SMURF2: variants seen among roughly 807,000 people sequenced by gnomAD.
The protein encoded by SMURF2 is E3 ubiquitin-protein ligase SMURF2.
SMURF2 carries 48 observed loss-of-function variants against 109.6 expected under a neutral mutation model. That is an observed-to-expected ratio of 0.44 (90% CI 0.35 to 0.56). The LOEUF (loss-of-function observed/expected upper bound fraction) is 0.56, where lower values mean the gene tolerates loss of function less well. Ranked by LOEUF, SMURF2 falls within the 20% of genes least tolerant of loss-of-function variation. The pLI, the probability that SMURF2 is intolerant of heterozygous loss-of-function variation, is 0.01. For missense variants in SMURF2, 575 were observed against 909.0 expected (o/e 0.63, Z 4.72); for synonymous variants, 288 against 317.1 (o/e 0.91, Z 0.97).
Position 64,566,564 on chromosome 17 carries a change from T to TGG in SMURF2, c.1017-3599_1017-3598insCC, listed in dbSNP as rs1248925408. On this transcript the variant is annotated intron_variant, in intron 10 of 18. Coordinates refer to ENST00000262435, the MANE Select transcript of SMURF2 (RefSeq NM_022739.4). ...GTAGAAATGCTTAAGCTTTCTGGTTTTTTTTTTTTTTTTTTTTTTTTTTTT... is the reference window on the plus strand; with the variant it reads ...GTAGAAATGCTTAAGCTTTCTGGTTTGGTTTTTTTTTTTTTTTTTTTTTTTTT... Among the ~76,000 whole-genome samples, 160 of 49,446 alleles carry TGG rather than the reference T, an allele frequency of 3.2e-3. 1 individual carries two copies. Among genetic ancestry groups the TGG allele is most frequent in the African/African-American group, 5.8e-3 (89 of 15,446 alleles). The allele number at this position is 49,446 out of a possible 152,430, so 32.4% of individuals were successfully genotyped here.
intron 3 of SMURF2, among the ~76,000 whole-genome samples, chr17:64,596,585 C>CAAAAAAAAAAAAAAA (rs201858792): frequency 2.2e-5 from 1 of 45,472 alleles, no homozygotes; most frequent in African/African-American, 6.3e-5. Flanking sequence ...GGAGAGTAAA[C>CAAAAAAAAAAAAAAA]AAAAAAAAAA....
chr17:64,553,249 G>A (rs1050961727), intron 15 of SMURF2, among the ~76,000 whole-genome samples: 30 of 152,032 alleles, frequency 2.0e-4, no homozygotes, highest in African/African-American at 6.3e-4. Flanking sequence ...GCTTACACCT[G>A]TAATCCCAGC....
chr17:64,558,603 G>A (rs1555684241), intron 12 of SMURF2, among the ~76,000 whole-genome samples: 3 of 152,046 alleles, frequency 2.0e-5, no homozygotes, highest in Non-Finnish European at 2.9e-5. Context: ...AATATAAGTG[G>A]GCAAGGATTG....
At chr17:64,580,316 T>C (rs765607963) in intron 8 of SMURF2, among the ~76,000 whole-genome samples, 8 of 152,250 alleles carry the variant, frequency 5.3e-5, no homozygotes, top group Non-Finnish European at 8.8e-5. Context: ...CTCAGTCATT[T>C]ACAACAATCC....
At chr17:64,616,324 C>A (rs1555690090) in intron 1 of SMURF2, among the ~76,000 whole-genome samples, 1 of 152,058 alleles carries the variant, frequency 6.6e-6, no homozygotes, top group African/African-American at 2.4e-5. Context: ...AACTGAGATT[C>A]AGGCATAGAG....
chr17:64,545,732 AAGGGG>A lies in SMURF2; in HGVS notation c.*111_*115del, dbSNP rs1968941154. 1.5e-5 allele frequency: 2 copies of A among 135,362 alleles called. No homozygotes were observed. The highest frequency in any genetic ancestry group is 3.6e-4 in the South Asian group (2 of 5,584). The allele number at this position is 135,362 out of a possible 1,614,324, so 8.4% of individuals were successfully genotyped here. ...CCTAAAATGTAAAAAAAAAAAAAAA[AAGGGG>A]GGGGGGGGGAGTGTTTTCCTGTATT... On this transcript the variant is annotated 3_prime_UTR_variant, in exon 19 of 19. Coordinates refer to ENST00000262435, the MANE Select transcript of SMURF2 (RefSeq NM_022739.4).
intron 1 of SMURF2, among the ~76,000 whole-genome samples, chr17:64,654,284 T>A (rs759822279): frequency 6.6e-6 from 1 of 152,240 alleles, no homozygotes; most frequent in Non-Finnish European, 1.5e-5. Context: ...TCAGATTATC[T>A]GTTGACACTT....
intron 1 of SMURF2, among the ~76,000 whole-genome samples, chr17:64,656,187 A>G (rs1186003808): frequency 6.6e-6 from 1 of 152,222 alleles, no homozygotes; most frequent in East Asian, 1.9e-4. Flanking sequence ...GAAAAACAAA[A>G]CAAAAGTTGG....
At chr17:64,548,898 A>G (rs7212400) in intron 16 of SMURF2, among the ~76,000 whole-genome samples, 30,511 of 152,102 alleles carry the variant, frequency 0.2, 6,603 homozygotes, top group African/African-American at 0.54. Flanking sequence ...AATTCCATGT[A>G]TACTATAAAA....
chr17:64,570,744 G>A (rs2144620057), intron 10 of SMURF2, among the ~76,000 whole-genome samples: 1 of 152,260 alleles, frequency 6.6e-6, no homozygotes, highest in East Asian at 1.9e-4. Context: ...AACTCACAGA[G>A]TTTTTCTGAG....
chr17:64,625,632 G>A (rs1555691087), intron 1 of SMURF2, among the ~76,000 whole-genome samples: 1 of 152,100 alleles, frequency 6.6e-6, no homozygotes, highest in African/African-American at 2.4e-5. Context: ...TGGTCCTCAT[G>A]GTTCTCAAAC....
intron 4 of SMURF2, 108 bp downstream of exon 4, chr17:64,593,332 A>T (rs1969774164): frequency 1.2e-6 from 1 of 863,878 alleles, no homozygotes; most frequent in Non-Finnish European, 1.5e-6. Context: ...TTTTAAATAT[A>T]TATTTGAGGA....
intron 1 of SMURF2, among the ~76,000 whole-genome samples, chr17:64,657,354 T>C (rs1328671528): frequency 1.3e-5 from 2 of 152,010 alleles, no homozygotes; most frequent in African/African-American, 4.8e-5. Context: ...ATGGTCTATT[T>C]GAAAAGAGGA....
At chr17:64,624,807 C>A (rs1334827081) in intron 1 of SMURF2, among the ~76,000 whole-genome samples, 1 of 147,392 alleles carries the variant, frequency 6.8e-6, no homozygotes, top group Non-Finnish European at 1.5e-5. Flanking sequence ...GCCTGGGCAA[C>A]AGAGCAAGAC....
At chr17:64,644,341 T>G (rs1598313004) in intron 1 of SMURF2, among the ~76,000 whole-genome samples, 1 of 150,900 alleles carries the variant, frequency 6.6e-6, no homozygotes, top group East Asian at 1.9e-4. Flanking sequence ...CCCAACAATT[T>G]AGGAGGTTAA....
At chr17:64,579,653 A>G (rs541221913) in intron 8 of SMURF2, among the ~76,000 whole-genome samples, 25 of 152,314 alleles carry the variant, frequency 1.6e-4, no homozygotes, top group Admixed American at 1.2e-3. Flanking sequence ...GAACACTGAT[A>G]ATGACAGTTA....
chr17:64,581,961 CA>C lies in SMURF2; in HGVS notation c.570-971del, dbSNP rs200475573. 0.065 allele frequency among the ~76,000 whole-genome samples: 8,105 copies of C among 124,256 alleles called. 297 individuals carry two copies. The highest frequency in any genetic ancestry group is 0.16 in the Admixed American group (2,001 of 12,690). 81.5% of individuals were successfully genotyped at this position (124,256 alleles called of 152,430 possible). Reference sequence around the variant, plus strand: ...AGGCAATAGAGCGGGACTCCATCTCCAAAAAAAAAAAAAAATTAACATTTAA... The same window carrying C: ...AGGCAATAGAGCGGGACTCCATCTCCAAAAAAAAAAAAAATTAACATTTAA... On this transcript the variant is annotated intron_variant, in intron 7 of 18. Coordinates refer to ENST00000262435, the MANE Select transcript of SMURF2 (RefSeq NM_022739.4). The surrounding 1 kb of genome is among the most constrained non-coding windows in gnomAD (Gnocchi z 4.3).
chr17:64,580,213 A>G (rs1969559726), intron 8 of SMURF2, among the ~76,000 whole-genome samples: 1 of 152,236 alleles, frequency 6.6e-6, no homozygotes, highest in Non-Finnish European at 1.5e-5. Flanking sequence ...TCCGTATTCT[A>G]TTAGGAGAAG....
At chr17:64,550,822 T>C (rs1969034817) in intron 16 of SMURF2, among the ~76,000 whole-genome samples, 1 of 152,184 alleles carries the variant, frequency 6.6e-6, no homozygotes, top group South Asian at 2.1e-4. Context: ...TTTTAGTTAT[T>C]TTCTCGATGA....
Sources: gnomAD v4.1 joint callset for allele counts (sites outside exome capture counted in the v4.1 genomes callset) on GRCh38, gnomAD v4.1.1 for gene constraint, Gnocchi (gnomAD v3.1) non-coding constraint, MANE v1.5 for transcripts, NCBI Gene and HGNC (gene_info 2026-07-23, HGNC 2026-07-21) for gene names.